Variants in HMCN1 observed in about 807,000 individuals in gnomAD.
HMCN1 encodes hemicentin 1, also known as hemicentin-1.
A neutral mutation model predicts 625.9 loss-of-function variants in HMCN1; 321 were observed. The observed-to-expected ratio is 0.51, with a 90% CI of 0.47 to 0.56. HMCN1 has a LOEUF of 0.56. HMCN1 is among the 20% of genes least tolerant of loss of function. HMCN1 has a pLI of 0.00. For synonymous variants in HMCN1, 2,425 were observed against 2,417.6 expected (o/e 1.00, Z -0.09); for missense variants, 6,588 against 6,887.3 (o/e 0.96, Z 1.54).
intron 12 of HMCN1, 136 bp downstream of exon 12, chr1:185,962,795 AGGC>A: frequency 1.5e-6 from 1 of 678,374 alleles, no homozygotes; most frequent in Admixed American, 2.4e-5. Context: ...TTTTCTAAAC[AGGC>A]TATGAATGTC....
chr1:186,134,643 A>C (rs1484086053), intron 86 of HMCN1, among the ~76,000 whole-genome samples: 1 of 152,174 alleles, frequency 6.6e-6, no homozygotes, highest in Non-Finnish European at 1.5e-5. Context: ...ATACCTTTGC[A>C]GAAAAAAACT....
intron 1 of HMCN1, among the ~76,000 whole-genome samples, chr1:185,809,639 AT>A (rs1188495482): frequency 1.2e-4 from 19 of 152,058 alleles, no homozygotes; most frequent in African/African-American, 4.6e-4. Context: ...ACTCCTGGAA[AT>A]AATAGTAAGT....
Position 186,007,162 on chromosome 1 carries a change from CT to C in HMCN1, c.4511del (p.Leu1504GlnfsTer9), listed in dbSNP as rs1558137982. The C allele has an allele frequency of 6.2e-7, 1 of 1,613,146 alleles. No homozygotes were observed. Among genetic ancestry groups the C allele is most frequent in the Non-Finnish European group, 8.5e-7 (1 of 1,179,272 alleles). ...TTTGGGCGATCCTAATGTTGAACTT[CT>C]AGACAGAGGACAAGTCTTACATTTA... ...LFLGDPNVELLDRGQVLHLKN... is the reference protein window; with the variant it reads ...LFLGDPNVELXDRGQVLHLKN... On this transcript the variant is annotated frameshift_variant, in exon 30 of 107. Transcript: ENST00000271588. LOFTEE classifies it high-confidence loss of function.
At chr1:185,974,295 T>C (rs781003457) in intron 15 of HMCN1, among the ~76,000 whole-genome samples, 1 of 152,194 alleles carries the variant, frequency 6.6e-6, no homozygotes, top group Non-Finnish European at 1.5e-5. Flanking sequence ...AGTTGAGATT[T>C]AATAAGTTAA....
intron 69 of HMCN1, among the ~76,000 whole-genome samples, chr1:186,104,002 A>G (rs976087596): frequency 1.3e-5 from 2 of 152,182 alleles, no homozygotes; most frequent in East Asian, 1.9e-4. Flanking sequence ...CAACATGCAT[A>G]TATATAAGGT....
At position 186,165,230 on chromosome 1, in the gene HMCN1, G is replaced by A. The variant is rs1216850688; in HGVS notation, c.15319+57G>A. On this transcript the variant is annotated intron_variant, in intron 98 of 106. Transcript: ENST00000271588. Reference sequence around the variant, plus strand: ...TTAATGAAAATGTCAATATTGGATAGCATTTAATGGGTATCTATTGCCCTT... The same window carrying A: ...TTAATGAAAATGTCAATATTGGATAACATTTAATGGGTATCTATTGCCCTT... The A allele has an allele frequency of 1.5e-5, 21 of 1,399,566 alleles. No homozygotes were observed. The East Asian group carries it at 2.5e-4, about 17-fold the overall frequency. 86.7% of individuals were successfully genotyped at this position (1,399,566 alleles called of 1,614,324 possible). A position where few individuals can be genotyped will look rare whatever the true frequency, so the allele number is the denominator to read the frequency against.
chr1:185,922,369 AC>A lies in HMCN1; in HGVS notation c.901-9del, dbSNP rs1481584382. On this transcript the variant is annotated splice_polypyrimidine_tract_variant and intron_variant, in intron 6 of 106. Transcript: ENST00000271588. ...AACTGCTGACCAGGTTTGTCATTAA[AC>A]ATTTTCAGACCTCAAGCAGTGGAAG... 6.2e-7 allele frequency: 1 copy of A among 1,613,254 alleles called. No individual in the cohort carries two copies. Among genetic ancestry groups the A allele is most frequent in the Admixed American group, 1.7e-5 (1 of 59,976 alleles).
At chr1:185,826,948 G>A (rs1660552358) in intron 1 of HMCN1, among the ~76,000 whole-genome samples, 1 of 151,976 alleles carries the variant, frequency 6.6e-6, no homozygotes, top group Admixed American at 6.6e-5. Context: ...AGGCCAAGGT[G>A]GGCGGATCAC....
intron 97 of HMCN1, among the ~76,000 whole-genome samples, chr1:186,160,042 A>T (rs1331204951): frequency 6.6e-6 from 1 of 151,242 alleles, no homozygotes; most frequent in Non-Finnish European, 1.5e-5. Context: ...CTGTGAATCC[A>T]TCTGGTCCTG....
chr1:185,781,030 G>A (rs1329800101), intron 1 of HMCN1, among the ~76,000 whole-genome samples: 1 of 152,176 alleles, frequency 6.6e-6, no homozygotes, highest in African/African-American at 2.4e-5. Flanking sequence ...TTCAGAGCCT[G>A]TTATTGGTCT....
At chr1:185,906,154 T>A (rs888457343) in intron 4 of HMCN1, among the ~76,000 whole-genome samples, 3 of 151,832 alleles carry the variant, frequency 2.0e-5, no homozygotes, top group Non-Finnish European at 4.4e-5. Flanking sequence ...TCTGGCACCC[T>A]GAGAAGCCAG....
At chr1:186,184,354 A>G (rs968137342) in intron 105 of HMCN1, among the ~76,000 whole-genome samples, 2 of 152,214 alleles carry the variant, frequency 1.3e-5, no homozygotes, top group Non-Finnish European at 2.9e-5. Flanking sequence ...GATTTTTTGA[A>G]AGATTTAGAA....
chr1:185,809,637 A>G (rs1476309219), intron 1 of HMCN1, among the ~76,000 whole-genome samples: 1 of 152,030 alleles, frequency 6.6e-6, no homozygotes, highest in Admixed American at 6.6e-5. Flanking sequence ...GCACTCCTGG[A>G]AATAATAGTA....
At position 185,965,849 on chromosome 1, in the gene HMCN1, G is replaced by A; in HGVS notation, c.2146G>A (p.Gly716Arg). ...TCAGAGTGAGCTCTTGGTTGCCCTT[G>A]GGGATATAACCGTTATGGAATGCAA... ...VVQSELLVALGDITVMECKTS... is the reference protein window; with the variant it reads ...VVQSELLVALRDITVMECKTS... The change falls in exon 14 of 107, where the codon GGG (glycine) becomes AGG (arginine). Residue 716 changes from glycine (G) to arginine (R), a missense_variant. Coordinates refer to ENST00000271588, the MANE Select transcript of HMCN1 (RefSeq NM_031935.3). 6.2e-7 allele frequency: 1 copy of A among 1,612,764 alleles called. No individual in the cohort carries two copies. The highest frequency in any genetic ancestry group is 1.7e-4 in the Middle Eastern group (1 of 6,060).
chr1:185,880,788 A>G (rs539404081), intron 4 of HMCN1, among the ~76,000 whole-genome samples: 1 of 152,364 alleles, frequency 6.6e-6, no homozygotes, highest in African/African-American at 2.4e-5. Context: ...AGTCTGGAGT[A>G]AAATCTCAGC....
chr1:185,977,899 A>AT lies in HMCN1; in HGVS notation c.2486dup (p.Leu829PhefsTer14). The AT allele has an allele frequency of 6.2e-7, 1 of 1,613,432 alleles. No homozygotes were observed. On this transcript the variant is annotated frameshift_variant, in exon 16 of 107. Transcript: ENST00000271588. LOFTEE classifies it high-confidence loss of function. ...CAGAACCAACAATCAAATGGCGAAGATTAGACAACATGCCAATTTTCTCAA... is the reference window on the plus strand; with the variant it reads ...CAGAACCAACAATCAAATGGCGAAGATTTAGACAACATGCCAATTTTCTCAA...
At chr1:185,877,594 A>G (rs1486787146) in intron 4 of HMCN1, among the ~76,000 whole-genome samples, 1 of 151,638 alleles carries the variant, frequency 6.6e-6, no homozygotes, top group Non-Finnish European at 1.5e-5. Context: ...CTAATCCACG[A>G]GCACAGGATG....
At chr1:185,816,662 C>T (rs544226864) in intron 1 of HMCN1, among the ~76,000 whole-genome samples, 2 of 152,238 alleles carry the variant, frequency 1.3e-5, no homozygotes, top group African/African-American at 4.8e-5. Context: ...GAGAAAATGA[C>T]TCAGAACTAA....
Position 185,804,120 on chromosome 1 carries a change from T to G in HMCN1, c.269-41906T>G, listed in dbSNP as rs115175709. 8.8e-3 allele frequency among the ~76,000 whole-genome samples: 1,339 copies of G among 152,208 alleles called. 11 individuals carry two copies. Among genetic ancestry groups the G allele is most frequent in the African/African-American group, 0.028 (1,161 of 41,566 alleles). Reference sequence around the variant, plus strand: ...TTTACTAGTCAGATTTTTTTAAAATTTTCATTTAAAAATTGAAATGGCTAA... The same window carrying G: ...TTTACTAGTCAGATTTTTTTAAAATGTTCATTTAAAAATTGAAATGGCTAA... On this transcript the variant is annotated intron_variant, in intron 1 of 106. Transcript: ENST00000271588.
Sources: gnomAD v4.1 joint callset for allele counts (sites outside exome capture counted in the v4.1 genomes callset) on GRCh38, gnomAD v4.1.1 for gene constraint, MANE v1.5 for transcripts, NCBI Gene and HGNC (gene_info 2026-07-23, HGNC 2026-07-21) for gene names.